Variants in MCF2L2 observed in about 807,000 individuals in gnomAD.
The protein encoded by MCF2L2 is MCF.2 cell line derived transforming sequence-like 2.
A neutral mutation model predicts 150.2 loss-of-function variants in MCF2L2; 102 were observed. The observed-to-expected ratio is 0.68, with a 90% confidence interval of 0.58 to 0.80. The LOEUF is 0.80. MCF2L2 is among the 30% of genes least tolerant of loss of function. The probability of loss-of-function intolerance (pLI) is 0.00; values close to 1 mark genes in which losing one functional copy is unlikely to be tolerated. For missense variants in MCF2L2, 1,256 were observed against 1,372.8 expected (o/e 0.91, Z 1.34); for synonymous variants, 465 against 491.3 (o/e 0.95, Z 0.71).
intron 7 of MCF2L2, among the ~76,000 whole-genome samples, chr3:183,313,635 G>T (rs1729477048): frequency 6.6e-6 from 1 of 152,158 alleles, no homozygotes; most frequent in African/African-American, 2.4e-5. Context: ...TTTAAAAATG[G>T]AGTTTCAGTT....
At chr3:183,402,263 G>A (rs1714795272) in intron 1 of MCF2L2, among the ~76,000 whole-genome samples, 1 of 149,948 alleles carries the variant, frequency 6.7e-6, no homozygotes, top group Non-Finnish European at 1.5e-5. Context: ...CTAACATGGT[G>A]AAACCCCGTC....
At chr3:183,419,042 C>T (rs1257219896) in intron 1 of MCF2L2, among the ~76,000 whole-genome samples, 1 of 152,262 alleles carries the variant, frequency 6.6e-6, no homozygotes, top group Admixed American at 6.5e-5. Context: ...CATTTCCATA[C>T]ATCCTCTGAA....
chr3:183,389,384 C>T (rs772271423), intron 2 of MCF2L2, among the ~76,000 whole-genome samples: 37 of 152,210 alleles, frequency 2.4e-4, no homozygotes, highest in Non-Finnish European at 4.7e-4. Context: ...ATTGGAAGAA[C>T]ATCATGGTGG....
intron 1 of MCF2L2, among the ~76,000 whole-genome samples, chr3:183,417,287 G>A (rs1715650782): frequency 6.6e-6 from 1 of 152,080 alleles, no homozygotes; most frequent in African/African-American, 2.4e-5. Context: ...TGGATGCCAA[G>A]GAATGGCTGT....
At chr3:183,413,255 C>T (rs1382100939) in intron 1 of MCF2L2, among the ~76,000 whole-genome samples, 2 of 152,156 alleles carry the variant, frequency 1.3e-5, no homozygotes, top group South Asian at 2.1e-4. Context: ...CTAATGCCTA[C>T]TGTTGACTGG....
At chr3:183,397,505 C>A (rs1341275211) in intron 1 of MCF2L2, among the ~76,000 whole-genome samples, 1 of 152,200 alleles carries the variant, frequency 6.6e-6, no homozygotes, top group Admixed American at 6.5e-5. Context: ...CTTTCTAATA[C>A]CATCACCTCG....
chr3:183,182,048 G>GGGGAA (rs1419910533), intron 27 of MCF2L2, among the ~76,000 whole-genome samples: 1 of 152,186 alleles, frequency 6.6e-6, no homozygotes, highest in East Asian at 1.9e-4. Flanking sequence ...GCAGGGAAGC[G>GGGGAA]GGGAAGGGAA....
chr3:183,268,803 A>G (rs1726416461), intron 15 of MCF2L2, among the ~76,000 whole-genome samples: 1 of 152,204 alleles, frequency 6.6e-6, no homozygotes, highest in South Asian at 2.1e-4. Context: ...ATTGGTGTTC[A>G]AATTGCCTGA....
Position 183,195,829 on chromosome 3 carries a change from G to A in MCF2L2, c.2885-574C>T, listed in dbSNP as rs192255593. On this transcript the variant is annotated intron_variant, in intron 25 of 29. Coordinates refer to ENST00000328913, the MANE Select transcript of MCF2L2 (RefSeq NM_015078.4). ...GACTCTCCCAGGCTAGGCTCAGATC[G>A]TCACTGAATGTGCTCACTTCGAGGC... is the stretch of plus-strand genomic sequence containing the variant. Among the ~76,000 whole-genome samples, 103 of 152,268 alleles carry A rather than the reference G, an allele frequency of 6.8e-4. 1 individual carries two copies. The highest frequency in any genetic ancestry group is 2.9e-4 in the Non-Finnish European group (20 of 68,014).
At position 183,308,128 on chromosome 3, in the gene MCF2L2, A is replaced by T. The variant is rs143220899; in HGVS notation, c.1113+1588T>A. Among the ~76,000 whole-genome samples the T allele has an allele frequency of 3.4e-3, 523 of 152,238 alleles. 1 individual carries two copies. Among genetic ancestry groups the T allele is most frequent in the African/African-American group, 0.012 (488 of 41,538 alleles). The stretch of plus-strand genomic sequence containing the variant: ...GTTATTATTTATTTGATTGCTTTTT[A>T]GTGAACTGTCTCTCTCCAGTAGAAT... On this transcript the variant is annotated intron_variant, in intron 10 of 29. Transcript: ENST00000328913.
Position 183,194,175 on chromosome 3 carries a change from T to C in MCF2L2, c.2918+1047A>G, listed in dbSNP as rs540886442. ...ACCTTTTCCACTTCTCTCATCTTTC[T>C]GGGTTAGGGTCTAGCGGGGGTTCCA... is the stretch of plus-strand genomic sequence containing the variant. On this transcript the variant is annotated intron_variant, in intron 26 of 29. Transcript: ENST00000328913. Among the ~76,000 whole-genome samples, 67 of 152,314 alleles carry C rather than the reference T, an allele frequency of 4.4e-4. 1 individual carries two copies. The highest frequency in any genetic ancestry group is 3.4e-3 in the Middle Eastern group (1 of 292).
Position 183,270,109 on chromosome 3 carries a change from G to T in MCF2L2, c.1862+6763C>A. On this transcript the variant is annotated intron_variant, in intron 15 of 29. Coordinates refer to ENST00000328913, the MANE Select transcript of MCF2L2 (RefSeq NM_015078.4). The surrounding 1 kb of genome is among the most constrained non-coding windows in gnomAD (Gnocchi z 4.5). Reference sequence around the variant, plus strand: ...ACTGCTCCTGAAAACTATGATCGACGTTCCGGAATTAGAAGGACGTGGGGC... The same window carrying T: ...ACTGCTCCTGAAAACTATGATCGACTTTCCGGAATTAGAAGGACGTGGGGC... 1 of 1,614,082 alleles carries T rather than the reference G, an allele frequency of 6.2e-7. No individual in the cohort carries two copies. Among genetic ancestry groups the T allele is most frequent in the Non-Finnish European group, 8.5e-7 (1 of 1,180,014 alleles).
At position 183,379,278 on chromosome 3, in the gene MCF2L2, G is replaced by A; in HGVS notation, c.275+19C>T. The stretch of plus-strand genomic sequence containing the variant: ...ATAAAGCCAGTGCCTAAGGCGGCAG[G>A]ACACTGTGCTCAGCTCACCTGGGGA... On this transcript the variant is annotated intron_variant, in intron 3 of 29. Transcript: ENST00000328913. The A allele has an allele frequency of 1.3e-6, 2 of 1,571,374 alleles. No homozygotes were observed. The highest frequency in any genetic ancestry group is 2.3e-5 in the South Asian group (2 of 86,806).
At position 183,419,232 on chromosome 3, in the gene MCF2L2, G is replaced by T. The variant is rs114917141; in HGVS notation, c.76+8670C>A. ...GGAACACAGGACACCATGTCACAAG[G>T]CTACACAGAGCAGTGGACCCCTGGG... On this transcript the variant is annotated intron_variant, in intron 1 of 29. Coordinates refer to ENST00000328913, the MANE Select transcript of MCF2L2 (RefSeq NM_015078.4). 9.7e-3 allele frequency among the ~76,000 whole-genome samples: 1,478 copies of T among 152,312 alleles called. 13 individuals carry two copies. The highest frequency in any genetic ancestry group is 0.019 in the Admixed American group (286 of 15,302).
chr3:183,332,855 G>A (rs1337300925), intron 5 of MCF2L2, among the ~76,000 whole-genome samples: 4 of 152,056 alleles, frequency 2.6e-5, no homozygotes, highest in Admixed American at 2.0e-4. Context: ...AATAGAATGG[G>A]AAATTCATTT....
chr3:183,418,742 A>G (rs1715722683), intron 1 of MCF2L2, among the ~76,000 whole-genome samples: 1 of 152,240 alleles, frequency 6.6e-6, no homozygotes, highest in Non-Finnish European at 1.5e-5. Context: ...AAACTGATGC[A>G]AGGGATGGGC....
At position 183,272,466 on chromosome 3, in the gene MCF2L2, A is replaced by G. The variant is rs16857225; in HGVS notation, c.1862+4406T>C. On this transcript the variant is annotated intron_variant, in intron 15 of 29. Coordinates refer to ENST00000328913, the MANE Select transcript of MCF2L2 (RefSeq NM_015078.4). ...AAAGATTTCTCAGTATACACAACTGAATGATGATACTTACAATTTTTAGCA... is the reference window on the plus strand; with the variant it reads ...AAAGATTTCTCAGTATACACAACTGGATGATGATACTTACAATTTTTAGCA... 5.9e-3 allele frequency: 5,933 copies of G among 999,688 alleles called. 272 individuals carry two copies. The African/African-American group carries it at 0.09, about 15-fold the overall frequency. 61.9% of individuals were successfully genotyped at this position (999,688 alleles called of 1,614,324 possible). A position where few individuals can be genotyped will look rare whatever the true frequency, so the allele number is the denominator to read the frequency against.
At chr3:183,378,418 A>T (rs977898638) in intron 3 of MCF2L2, 3 of 152,354 alleles carry the variant, frequency 2.0e-5, no homozygotes. Context: ...CATCCCCTCG[A>T]AGACCTGGGC....
Position 183,294,631 on chromosome 3 carries a change from A to ATTT in MCF2L2, c.1675+668_1675+669insAAA, listed in dbSNP as rs1319367414. Reference sequence around the variant, plus strand: ...TGTGTGTGTGTATATATATATATATATATTTTTTTTTTTTTGAGACGGAGT... The same window carrying ATTT: ...TGTGTGTGTGTATATATATATATATATTTTATTTTTTTTTTTTTGAGACGGAGT... On this transcript the variant is annotated intron_variant, in intron 13 of 29. Transcript: ENST00000328913. 1.0e-3 allele frequency among the ~76,000 whole-genome samples: 118 copies of ATTT among 114,042 alleles called. 1 individual carries two copies. The highest frequency in any genetic ancestry group is 5.7e-3 in the East Asian group (17 of 2,964). 74.8% of individuals were successfully genotyped at this position (114,042 alleles called of 152,430 possible). A position where few individuals can be genotyped will look rare whatever the true frequency, so the allele number is the denominator to read the frequency against.
Sources: allele counts gnomAD v4.1 joint callset (sites outside exome capture counted in the v4.1 genomes callset), GRCh38; gene constraint gnomAD v4.1.1; non-coding constraint Gnocchi (gnomAD v3.1); transcripts MANE v1.5; gene names NCBI Gene and HGNC (gene_info 2026-07-23, HGNC 2026-07-21).